MBTD1: variants seen among roughly 807,000 people sequenced by gnomAD.
The protein encoded by MBTD1 is mbt domain containing 1, also known as MBT domain-containing protein 1.
In MBTD1, 24 loss-of-function variants were observed where a neutral mutation model predicts 87.8. That is an observed-to-expected ratio of 0.27 (90% CI 0.20 to 0.38). MBTD1 has a LOEUF of 0.38. MBTD1 is among the 10% of genes least tolerant of loss of function. MBTD1 has a pLI of 1.00. For synonymous variants in MBTD1, 237 were observed against 248.6 expected, an observed-to-expected ratio of 0.95 and a Z score of 0.44; for missense variants, 436 against 760.2, an observed-to-expected ratio of 0.57 and a Z score of 5.02.
intron 2 of MBTD1, among the ~76,000 whole-genome samples, chr17:51,230,387 C>T (rs1485708103): frequency 6.6e-6 from 1 of 152,112 alleles, no homozygotes; most frequent in Non-Finnish European, 1.5e-5. Context: ...ACTCATTCGA[C>T]ATTTATCAAG....
Position 51,238,897 on chromosome 17 carries a change from C to T in MBTD1, c.-48-13688G>A, listed in dbSNP as rs568162333. Among the ~76,000 whole-genome samples the T allele has an allele frequency of 3.3e-5, 5 of 152,118 alleles. No individual in the cohort carries two copies. In the East Asian group the frequency reaches 5.8e-4, roughly 18 times the overall value. On this transcript the variant is annotated intron_variant, in intron 2 of 16. Coordinates refer to ENST00000586178, the MANE Select transcript of MBTD1 (RefSeq NM_017643.3). ...GATGGATCACTTAAAGTCAGGAGTTCGAGACCAGCCTGGCTAACATGGTAA... is the reference window on the plus strand; with the variant it reads ...GATGGATCACTTAAAGTCAGGAGTTTGAGACCAGCCTGGCTAACATGGTAA...
chr17:51,260,151 T>A (rs988162285), upstream of MBTD1: 1 of 366,242 alleles, frequency 2.7e-6, no homozygotes. Flanking sequence ...TGGGACCCTC[T>A]GCAGGCTCCG....
At chr17:51,228,004 A>G (rs997956281) in intron 2 of MBTD1, among the ~76,000 whole-genome samples, 1 of 152,156 alleles carries the variant, frequency 6.6e-6, no homozygotes, top group Non-Finnish European at 1.5e-5. Flanking sequence ...AAGATGGCAA[A>G]TATTTCAGAA....
chr17:51,189,691 G>C (rs749623758), intron 16 of MBTD1, among the ~76,000 whole-genome samples: 3 of 152,156 alleles, frequency 2.0e-5, no homozygotes, highest in Non-Finnish European at 4.4e-5. Context: ...TGACATCTTG[G>C]AAAGAAAATT....
At chr17:51,221,106 C>A (rs2052862188) in intron 3 of MBTD1, among the ~76,000 whole-genome samples, 1 of 151,932 alleles carries the variant, frequency 6.6e-6, no homozygotes, top group Non-Finnish European at 1.5e-5. Flanking sequence ...CCAGCCTGGG[C>A]AAGATAGCAA....
chr17:51,202,662 A>G (rs777224687), intron 10 of MBTD1, 39 bp downstream of exon 10: 3 of 1,453,290 alleles, frequency 2.1e-6, no homozygotes, highest in Non-Finnish European at 2.9e-6. Context: ...ATCAGCCTCA[A>G]TGATGCTTTT....
At chr17:51,210,633 G>A (rs901828905) in intron 6 of MBTD1, among the ~76,000 whole-genome samples, 6 of 152,040 alleles carry the variant, frequency 3.9e-5, no homozygotes, top group Admixed American at 2.0e-4. Flanking sequence ...GCACATGCCT[G>A]TAGTTCTAGC....
At chr17:51,259,041 G>A (rs1272800490) in intron 2 of MBTD1, 102 bp downstream of exon 2, 1 of 397,318 alleles carries the variant, frequency 2.5e-6, no homozygotes, top group Non-Finnish European at 4.4e-6. Context: ...GGTCTAATAA[G>A]GGTAGGCAGA....
intron 1 of MBTD1, 122 bp from the exon 2 acceptor site, chr17:51,259,328 C>A (rs1434826933): frequency 1.9e-6 from 2 of 1,052,872 alleles, no homozygotes; most frequent in Non-Finnish European, 2.4e-6. Flanking sequence ...TCCCACCTCT[C>A]CCGCACGTGC....
At chr17:51,203,006 G>C in intron 9 of MBTD1, 71 bp from the exon 10 acceptor site, 3 of 1,344,420 alleles carry the variant, frequency 2.2e-6, no homozygotes, top group Non-Finnish European at 3.2e-6. Context: ...GTATTATACT[G>C]TAAAAAATAC....
Position 51,186,633 on chromosome 17 carries a change from G to C in MBTD1, c.1768+5570C>G, listed in dbSNP as rs62060060. ...CTACTAAAAATACAAAAATAGCTGG[G>C]CATGGTGGCAGGCGCCTGTGGTCCC... On this transcript the variant is annotated intron_variant, in intron 16 of 16. Coordinates refer to ENST00000586178, the MANE Select transcript of MBTD1 (RefSeq NM_017643.3). Among the ~76,000 whole-genome samples the C allele has an allele frequency of 1.0e-2, 1,517 of 152,212 alleles. 8 individuals carry two copies. The highest frequency in any genetic ancestry group is 0.02 in the South Asian group (97 of 4,824).
chr17:51,216,472 G>C (rs993734641), intron 6 of MBTD1, among the ~76,000 whole-genome samples: 1 of 152,116 alleles, frequency 6.6e-6, no homozygotes, highest in African/African-American at 2.4e-5. Flanking sequence ...TAAATGCTCT[G>C]TAACAATCCA....
At chr17:51,220,202 C>G in intron 4 of MBTD1, 128 bp downstream of exon 4, 2 of 865,756 alleles carry the variant, frequency 2.3e-6, no homozygotes, top group Admixed American at 6.6e-5. Flanking sequence ...CATGTTTCCT[C>G]AAGATGTGGT....
At chr17:51,220,197 TTCC>T in intron 4 of MBTD1, 130 bp downstream of exon 4, 1 of 808,402 alleles carries the variant, frequency 1.2e-6, no homozygotes, top group Non-Finnish European at 1.8e-6. Context: ...GCTCACATGT[TTCC>T]TCAAGATGTG....
chr17:51,214,935 C>T (rs990903641), intron 6 of MBTD1, among the ~76,000 whole-genome samples: 7 of 152,134 alleles, frequency 4.6e-5, no homozygotes, highest in Non-Finnish European at 5.9e-5. Context: ...AAAACTGTTT[C>T]GGAGGGGACA....
At chr17:51,252,730 T>C (rs964265427) in intron 2 of MBTD1, among the ~76,000 whole-genome samples, 5 of 91,798 alleles carry the variant, frequency 5.4e-5, no homozygotes, top group South Asian at 9.4e-4. Flanking sequence ...TGAGACTCTG[T>C]CTCAAAAAAA....
At chr17:51,192,002 A>G in intron 16 of MBTD1, 1 of 579,314 alleles carries the variant, frequency 1.7e-6, no homozygotes, top group Non-Finnish European at 3.0e-6. Context: ...ATACTGTGGT[A>G]ATAATTTCTC....
intron 16 of MBTD1, among the ~76,000 whole-genome samples, chr17:51,180,985 C>T (rs139952178): frequency 1.6e-3 from 235 of 149,106 alleles, no homozygotes; most frequent in African/African-American, 5.6e-3. Context: ...TTTGTACAAA[C>T]AATGATGTAG....
chr17:51,254,448 CA>C (rs1324139810), intron 2 of MBTD1, among the ~76,000 whole-genome samples: 2 of 152,000 alleles, frequency 1.3e-5, no homozygotes, highest in Non-Finnish European at 2.9e-5. Flanking sequence ...AAGAGGAAAC[CA>C]AAAGCAATAA....
Sources: allele counts gnomAD v4.1 joint callset (sites outside exome capture counted in the v4.1 genomes callset), GRCh38; gene constraint gnomAD v4.1.1; transcripts MANE v1.5; gene names NCBI Gene and HGNC (gene_info 2026-07-23, HGNC 2026-07-21).